Variants in AGBL4 observed in about 807,000 individuals in gnomAD.
AGBL4 encodes the protein AGBL carboxypeptidase 4.
A neutral mutation model predicts 66.4 loss-of-function variants in AGBL4; 58 were observed. The observed-to-expected ratio is 0.87, with a 90% CI of 0.71 to 1.09. The LOEUF is 1.09. Ranked by LOEUF, AGBL4 falls within the 50% of genes least tolerant of loss-of-function variation. AGBL4 has a pLI of 0.00. For missense variants in AGBL4, 579 were observed against 631.0 expected (o/e 0.92, Z 0.88); for synonymous variants, 234 against 222.9 (o/e 1.05, Z -0.44).
intron 9 of AGBL4, among the ~76,000 whole-genome samples, chr1:48,596,018 C>T (rs1205028394): frequency 1.3e-5 from 2 of 152,154 alleles, no homozygotes; most frequent in African/African-American, 4.8e-5. Context: ...GCAGGGTGAG[C>T]TTTGTTATTA....
intron 3 of AGBL4, among the ~76,000 whole-genome samples, chr1:49,619,366 A>G (rs1041182185): frequency 6.6e-5 from 10 of 152,212 alleles, no homozygotes; most frequent in Non-Finnish European, 1.3e-4. Context: ...ACTCCCATTC[A>G]CAATTGCTAC....
intron 11 of AGBL4, among the ~76,000 whole-genome samples, chr1:48,558,483 C>T (rs1557784881): frequency 6.6e-6 from 1 of 152,110 alleles, no homozygotes; most frequent in Non-Finnish European, 1.5e-5. Context: ...TGGAGTCAGC[C>T]CAATGGTGGC....
At chr1:49,201,402 G>A (rs868311001) in intron 4 of AGBL4, among the ~76,000 whole-genome samples, 25 of 152,142 alleles carry the variant, frequency 1.6e-4, no homozygotes, top group African/African-American at 5.3e-4. Flanking sequence ...TCAAGGTGGC[G>A]TAGCTTAAAA....
At chr1:49,401,109 A>G (rs1398481218) in intron 3 of AGBL4, among the ~76,000 whole-genome samples, 3 of 152,190 alleles carry the variant, frequency 2.0e-5, no homozygotes, top group Non-Finnish European at 4.4e-5. Flanking sequence ...TGGGTAATTT[A>G]TAAAGAAAAG....
At chr1:49,333,206 G>A (rs1418508801) in intron 3 of AGBL4, among the ~76,000 whole-genome samples, 2 of 152,098 alleles carry the variant, frequency 1.3e-5, no homozygotes, top group East Asian at 1.9e-4. Context: ...AAGGCTGGGC[G>A]CAGTGGCTCA....
At chr1:49,375,015 C>T (rs1644443482) in intron 3 of AGBL4, among the ~76,000 whole-genome samples, 1 of 152,176 alleles carries the variant, frequency 6.6e-6, no homozygotes, top group Non-Finnish European at 1.5e-5. Flanking sequence ...CCCTCCAAAA[C>T]ACTCTTTTCT....
intron 3 of AGBL4, among the ~76,000 whole-genome samples, chr1:49,285,406 C>A (rs1457021992): frequency 6.6e-6 from 1 of 151,868 alleles, no homozygotes; most frequent in Non-Finnish European, 1.5e-5. Flanking sequence ...TAAATGCCCA[C>A]AAGAGAAAGC....
chr1:49,145,313 T>G (rs1646196929), intron 4 of AGBL4, among the ~76,000 whole-genome samples: 1 of 152,178 alleles, frequency 6.6e-6, no homozygotes, highest in South Asian at 2.1e-4. Context: ...ACTGCCTGGT[T>G]TTGTATCCCA....
chr1:49,822,057 A>G (rs1266987010), intron 2 of AGBL4, among the ~76,000 whole-genome samples: 1 of 152,120 alleles, frequency 6.6e-6, no homozygotes, highest in Non-Finnish European at 1.5e-5. Flanking sequence ...ATTGGGGAGG[A>G]TGAGATTTAA....
chr1:48,735,336 C>CT (rs1231687900), intron 6 of AGBL4, among the ~76,000 whole-genome samples: 1 of 152,008 alleles, frequency 6.6e-6, no homozygotes, highest in Non-Finnish European at 1.5e-5. Flanking sequence ...TCTTACCCCT[C>CT]TTTGTGTCTT....
At chr1:49,082,885 C>G (rs1644832834) in intron 4 of AGBL4, among the ~76,000 whole-genome samples, 1 of 152,200 alleles carries the variant, frequency 6.6e-6, no homozygotes, top group Non-Finnish European at 1.5e-5. Context: ...AATGGAGGTA[C>G]AGGCATTGGG....
Position 49,128,962 on chromosome 1 carries a change from G to A in AGBL4, c.378-83162C>T, listed in dbSNP as rs753003639. Among the ~76,000 whole-genome samples, 12 of 151,666 alleles carry A rather than the reference G, an allele frequency of 7.9e-5. No individual in the cohort carries two copies. In the East Asian group the frequency reaches 1.2e-3, roughly 15 times the overall value. ...AGAAAAAAATTAATAAATCATATAC[G>A]TGATAAAAGACTTGTATCTAGAAAA... is the stretch of plus-strand genomic sequence containing the variant. On this transcript the variant is annotated intron_variant, in intron 4 of 13. Transcript: ENST00000371839.
intron 3 of AGBL4, among the ~76,000 whole-genome samples, chr1:49,630,699 T>C (rs2124354471): frequency 6.6e-6 from 1 of 152,280 alleles, no homozygotes; most frequent in East Asian, 1.9e-4. Flanking sequence ...GCACCTTTAG[T>C]ATATAACCTC....
intron 3 of AGBL4, among the ~76,000 whole-genome samples, chr1:49,496,006 T>C (rs1245749508): frequency 6.6e-6 from 1 of 152,018 alleles, no homozygotes; most frequent in Non-Finnish European, 1.5e-5. Flanking sequence ...AGGGAAGAAT[T>C]AGTGTGGATA....
Position 48,590,406 on chromosome 1 carries a change from CA to C in AGBL4, c.1104+426del, listed in dbSNP as rs386366923. Among the ~76,000 whole-genome samples, 303 of 93,620 alleles carry C rather than the reference CA, an allele frequency of 3.2e-3. 2 individuals are homozygous for C. Among genetic ancestry groups the C allele is most frequent in the East Asian group, 0.023 (59 of 2,568 alleles). 61.4% of individuals were successfully genotyped at this position (93,620 alleles called of 152,430 possible). On this transcript the variant is annotated intron_variant, in intron 10 of 13. Transcript: ENST00000371839. ...GGGCAATAAGAGTGAAACTCAGTCT[CA>C]AAAAAAAAAAAAAAAAAATTAGCCA... is the stretch of plus-strand genomic sequence containing the variant.
chr1:49,541,730 C>T (rs1185724279), intron 3 of AGBL4, among the ~76,000 whole-genome samples: 2 of 152,206 alleles, frequency 1.3e-5, no homozygotes, highest in African/African-American at 4.8e-5. Flanking sequence ...TGGCGGGCAG[C>T]TCCACCTGTG....
intron 4 of AGBL4, among the ~76,000 whole-genome samples, chr1:49,073,142 C>A (rs899018761): frequency 2.1e-4 from 32 of 152,146 alleles, no homozygotes; most frequent in African/African-American, 7.7e-4. Context: ...GTTAGCAATT[C>A]ATCTAAGTTT....
At chr1:49,539,552 C>T (rs893508948) in intron 3 of AGBL4, among the ~76,000 whole-genome samples, 6 of 152,130 alleles carry the variant, frequency 3.9e-5, no homozygotes, top group African/African-American at 1.4e-4. Context: ...TTCCCTTGAC[C>T]TTTGAATCTT....
chr1:49,666,731 T>TAA (rs974137983), intron 3 of AGBL4, among the ~76,000 whole-genome samples: 34 of 152,266 alleles, frequency 2.2e-4, no homozygotes, highest in African/African-American at 8.2e-4. Flanking sequence ...ATCACTATGC[T>TAA]AAGCATTTTA....
Sources: allele counts gnomAD v4.1 joint callset (sites outside exome capture counted in the v4.1 genomes callset), GRCh38; gene constraint gnomAD v4.1.1; transcripts MANE v1.5; gene names NCBI Gene and HGNC (gene_info 2026-07-23, HGNC 2026-07-21).